The following MAGI1 variants were observed in gnomAD, a reference collection of about 807,000 sequenced individuals.
MAGI1 encodes membrane-associated guanylate kinase, WW and PDZ domain-containing protein 1.
A neutral mutation model predicts 139.9 loss-of-function variants in MAGI1; 58 were observed. The observed-to-expected ratio is 0.41, with a 90% confidence interval of 0.34 to 0.52. MAGI1 has a LOEUF of 0.52. Among genes scored for constraint, MAGI1 ranks in the 20% least tolerant of loss-of-function variants. MAGI1 has a pLI of 0.12. For missense variants in MAGI1, 1,874 were observed against 1,901.6 expected (o/e 0.99, Z 0.27); for synonymous variants, 812 against 737.9 (o/e 1.10, Z -1.63).
At chr3:65,465,172 T>C (rs1392036527) in intron 5 of MAGI1, among the ~76,000 whole-genome samples, 2 of 151,302 alleles carry the variant, frequency 1.3e-5, no homozygotes, top group South Asian at 2.1e-4. Context: ...TAAACAGTAC[T>C]ATTATTGCTT....
intron 12 of MAGI1, among the ~76,000 whole-genome samples, chr3:65,418,839 C>G (rs1946423938): frequency 6.6e-6 from 1 of 152,214 alleles, no homozygotes; most frequent in African/African-American, 2.4e-5. Context: ...GCATTAGTAG[C>G]CACACTTCAT....
intron 1 of MAGI1, among the ~76,000 whole-genome samples, chr3:66,016,433 A>C (rs2067640626): frequency 6.6e-6 from 1 of 152,302 alleles, no homozygotes; most frequent in Admixed American, 6.5e-5. Context: ...CCTCCAAGCC[A>C]GAAAGGTGGA....
chr3:65,486,891 A>C (rs1033976159), intron 3 of MAGI1, among the ~76,000 whole-genome samples: 1 of 152,204 alleles, frequency 6.6e-6, no homozygotes, highest in South Asian at 2.1e-4. Context: ...AAATGGTACC[A>C]CTATCTATCC....
rs551839860 is a variant in MAGI1 at position 65,470,401 on chromosome 3, T to C, written c.841A>G (p.Thr281Ala). The C allele has an allele frequency of 2.5e-6, 4 of 1,613,786 alleles. No individual in the cohort carries two copies. The highest frequency in any genetic ancestry group is 3.4e-6 in the Non-Finnish European group (4 of 1,179,914). Residue 281 changes from threonine (T) to alanine (A), a missense_variant, in exon 5 of 23, where the codon ACG becomes GCG. Coordinates refer to ENST00000402939, the MANE Select transcript of MAGI1 (RefSeq NM_001033057.2). ...TGAGGGAACTTCTGAGAAGGGTCCG[T>C]GATGGGAGCAGCGATGATGCTACTA... ...VNSSIIAAPITDPSQKFPQYL... is the reference protein window; with the variant it reads ...VNSSIIAAPIADPSQKFPQYL...
chr3:65,373,276 G>C (rs1415131092), intron 18 of MAGI1, among the ~76,000 whole-genome samples: 1 of 152,144 alleles, frequency 6.6e-6, no homozygotes, highest in Non-Finnish European at 1.5e-5. Context: ...CCCGAGGAAA[G>C]GAACAGAGAT....
chr3:65,763,765 G>T (rs571642912), intron 1 of MAGI1, among the ~76,000 whole-genome samples: 11 of 150,846 alleles, frequency 7.3e-5, no homozygotes, highest in East Asian at 1.9e-4. Context: ...AAAAAAAAAA[G>T]AAATAAATAA....
At chr3:65,401,397 A>T in intron 13 of MAGI1, 42 bp downstream of exon 13, 1 of 1,019,976 alleles carries the variant, frequency 9.8e-7, no homozygotes, top group Non-Finnish European at 1.3e-6. Flanking sequence ...CCCACCATCC[A>T]CCCCAGCCCC....
intron 1 of MAGI1, among the ~76,000 whole-genome samples, chr3:65,977,592 T>C (rs2065331042): frequency 6.6e-6 from 1 of 151,826 alleles, no homozygotes; most frequent in South Asian, 2.1e-4. Context: ...ACACCTGTAG[T>C]CCCAGATACT....
intron 1 of MAGI1, among the ~76,000 whole-genome samples, chr3:65,811,557 G>A (rs2041234539): frequency 6.6e-6 from 1 of 152,166 alleles, no homozygotes; most frequent in Admixed American, 6.5e-5. Context: ...AGCTATGACT[G>A]AGAGCCAGCT....
At chr3:65,714,098 A>C (rs904348640) in intron 1 of MAGI1, among the ~76,000 whole-genome samples, 2 of 152,178 alleles carry the variant, frequency 1.3e-5, no homozygotes, top group African/African-American at 4.8e-5. Context: ...ATGCCACCGC[A>C]CTGGGTTGAC....
intron 5 of MAGI1, among the ~76,000 whole-genome samples, chr3:65,455,437 G>A (rs1032739158): frequency 2.0e-5 from 3 of 152,094 alleles, no homozygotes; most frequent in Non-Finnish European, 4.4e-5. Flanking sequence ...AGCGCTGGGC[G>A]GGGTGGTACA....
chr3:65,771,704 A>G (rs2037967739), intron 1 of MAGI1, among the ~76,000 whole-genome samples: 1 of 152,244 alleles, frequency 6.6e-6, no homozygotes. Context: ...CCTTTAATAA[A>G]AAACAAAATC....
At chr3:65,944,425 G>A (rs545082716) in intron 1 of MAGI1, among the ~76,000 whole-genome samples, 109 of 152,138 alleles carry the variant, frequency 7.2e-4, no homozygotes, top group Admixed American at 1.5e-3. Flanking sequence ...GGCTGAGGTT[G>A]GAGGATAGTT....
rs144460295 is a variant in MAGI1, at chr3:65,665,429, G to C, written c.314-43341C>G. On this transcript the variant is annotated intron_variant, in intron 1 of 22. Coordinates refer to ENST00000402939, the MANE Select transcript of MAGI1 (RefSeq NM_001033057.2). ...GAAGAAAAATTTGAAAAAACATAGT[G>C]AACAGCATTGCTGTAAAGGATCAGG... is the stretch of plus-strand genomic sequence containing the variant. Among the ~76,000 whole-genome samples the C allele has an allele frequency of 9.5e-4, 145 of 152,232 alleles. 2 individuals carry two copies. In the East Asian group the frequency reaches 0.023, roughly 24 times the overall value.
chr3:65,600,391 C>G (rs1452140148), intron 2 of MAGI1, among the ~76,000 whole-genome samples: 3 of 152,162 alleles, frequency 2.0e-5, no homozygotes, highest in Admixed American at 2.0e-4. Context: ...TCAATCAGAG[C>G]TCCAAAGACC....
Position 65,425,147 on chromosome 3 carries a change from C to G in MAGI1, c.2167+4373G>C, listed in dbSNP as rs1187974305. The stretch of plus-strand genomic sequence containing the variant: ...AAAAAAAAAAACAAAAAAAAACACA[C>G]ATGCCTAAACATCATACAATCTGTA... On this transcript the variant is annotated intron_variant, in intron 12 of 22. Coordinates refer to ENST00000402939, the MANE Select transcript of MAGI1 (RefSeq NM_001033057.2). Among the ~76,000 whole-genome samples, 3 of 127,064 alleles carry G rather than the reference C, an allele frequency of 2.4e-5. No homozygotes were observed. In the East Asian group the frequency reaches 6.0e-4, roughly 26 times the overall value. 83.4% of individuals were successfully genotyped at this position (127,064 alleles called of 152,430 possible).
chr3:65,897,204 T>G (rs2061006061), intron 1 of MAGI1, among the ~76,000 whole-genome samples: 1 of 152,198 alleles, frequency 6.6e-6, no homozygotes, highest in Non-Finnish European at 1.5e-5. Flanking sequence ...GGTGAGTTTT[T>G]GGGTTAGCTC....
At chr3:65,799,371 G>A (rs532167578) in intron 1 of MAGI1, among the ~76,000 whole-genome samples, 1 of 152,114 alleles carries the variant, frequency 6.6e-6, no homozygotes, top group Non-Finnish European at 1.5e-5. Context: ...CTTCAGCAAG[G>A]GATCCCCTAA....
intron 2 of MAGI1, among the ~76,000 whole-genome samples, chr3:65,610,851 T>C (rs549902861): frequency 4.0e-4 from 56 of 140,136 alleles, no homozygotes; most frequent in African/African-American, 1.4e-3. Context: ...ATATACTATA[T>C]AGTACATATA....
Sources: gnomAD v4.1 joint callset for allele counts (sites outside exome capture counted in the v4.1 genomes callset) on GRCh38, gnomAD v4.1.1 for gene constraint, MANE v1.5 for transcripts, NCBI Gene and HGNC (gene_info 2026-07-23, HGNC 2026-07-21) for gene names.